WDPCP: variants seen among roughly 807,000 people sequenced by gnomAD.
WDPCP encodes WD repeat containing planar cell polarity effector.
Under a neutral mutation model 93.1 loss-of-function variants are expected in WDPCP, and 71 were observed. The ratio of observed to expected loss-of-function variants is 0.76; its 90% CI spans 0.63 to 0.93. The LOEUF is 0.93. Ranked by LOEUF, WDPCP falls within the 40% of genes least tolerant of loss-of-function variation. WDPCP has a pLI of 0.00. For missense variants in WDPCP, 844 were observed against 887.4 expected (o/e 0.95, Z 0.62); for synonymous variants, 315 against 315.0 (o/e 1.00, Z 0.00).
chr2:63,627,212 T>C (rs192507256), intron 3 of WDPCP, among the ~76,000 whole-genome samples: 1 of 152,324 alleles, frequency 6.6e-6, no homozygotes, highest in East Asian at 1.9e-4. Flanking sequence ...ACAAAGCTCA[T>C]GTATTGTCAA....
intron 17 of WDPCP, among the ~76,000 whole-genome samples, chr2:63,147,803 T>A (rs903070189): frequency 1.3e-5 from 2 of 152,090 alleles, no homozygotes; most frequent in Middle Eastern, 3.4e-3. Flanking sequence ...ACCTCATCTG[T>A]ACTAAAAATG....
rs1709764663 is a variant in WDPCP, at chr2:63,622,959, C to T, written n.488+27700G>A. On this transcript the variant is annotated intron_variant and non_coding_transcript_variant, in intron 3 of 4. Transcript: ENST00000467687. ...GCCAGGCTCGTAGCTCAGTCACCAC[C>T]GCACGGCGCCCAAGCAGCTGCTGCC... The T allele has an allele frequency of 2.5e-5, 19 of 759,468 alleles. No individual in the cohort carries two copies. The South Asian group carries it at 2.5e-4, about 10-fold the overall frequency. 47.0% of individuals were successfully genotyped at this position (759,468 alleles called of 1,614,324 possible).
chr2:63,148,338 A>T (rs1461777381), intron 17 of WDPCP, among the ~76,000 whole-genome samples: 1 of 151,990 alleles, frequency 6.6e-6, no homozygotes. Flanking sequence ...AGAAAAAAAA[A>T]GTTTTTCATT....
At chr2:63,776,097 A>G (rs1670298896) in intron 2 of WDPCP, among the ~76,000 whole-genome samples, 1 of 151,500 alleles carries the variant, frequency 6.6e-6, no homozygotes, top group African/African-American at 2.4e-5. Context: ...ATACATACAT[A>G]CATACATACA....
chr2:63,217,916 ACTC>A (rs1056920170), intron 14 of WDPCP, among the ~76,000 whole-genome samples: 1 of 152,072 alleles, frequency 6.6e-6, no homozygotes, highest in Non-Finnish European at 1.5e-5. Flanking sequence ...CCACAATTGA[ACTC>A]CTTGATAAAG....
chr2:63,200,405 T>C (rs1366653563), intron 14 of WDPCP, among the ~76,000 whole-genome samples: 1 of 152,188 alleles, frequency 6.6e-6, no homozygotes, highest in Non-Finnish European at 1.5e-5. Flanking sequence ...TTTGTTGCAA[T>C]GTTGTTCACA....
chr2:63,619,755 T>C (rs923311526), intron 3 of WDPCP, among the ~76,000 whole-genome samples: 2 of 152,216 alleles, frequency 1.3e-5, no homozygotes, highest in African/African-American at 2.4e-5. Flanking sequence ...GGAACAGCTC[T>C]GGTCTGCAGC....
At chr2:63,229,566 G>A (rs1181786924) in intron 14 of WDPCP, 1 of 151,980 alleles carries the variant, frequency 6.6e-6, no homozygotes, top group African/African-American at 2.4e-5. Context: ...TATGGTTTTA[G>A]GTCTAACATT....
chr2:63,563,557 A>C (rs1336995058), intron 1 of WDPCP, among the ~76,000 whole-genome samples: 1 of 151,992 alleles, frequency 6.6e-6, no homozygotes, highest in Non-Finnish European at 1.5e-5. Context: ...GGGAGGGAGA[A>C]ATGGGGAATG....
At chr2:63,151,623 TAAAC>T (rs1202144762) in intron 17 of WDPCP, among the ~76,000 whole-genome samples, 4 of 152,198 alleles carry the variant, frequency 2.6e-5, no homozygotes, top group Non-Finnish European at 4.4e-5. Context: ...TTTCGCAAAT[TAAAC>T]AAATTCTTAG....
chr2:63,349,277 G>A (rs1440843057), intron 12 of WDPCP, among the ~76,000 whole-genome samples: 1 of 151,466 alleles, frequency 6.6e-6, no homozygotes, highest in Non-Finnish European at 1.5e-5. Flanking sequence ...TATATATAGG[G>A]CATAAATTTC....
chr2:63,413,057 T>C (rs1695139321), intron 9 of WDPCP, among the ~76,000 whole-genome samples: 1 of 152,162 alleles, frequency 6.6e-6, no homozygotes, highest in Admixed American at 6.5e-5. Context: ...AGAGCCCACA[T>C]AGCCAAAGCA....
chr2:63,337,450 G>C (rs1373382001), intron 12 of WDPCP, among the ~76,000 whole-genome samples: 1 of 152,110 alleles, frequency 6.6e-6, no homozygotes, highest in East Asian at 1.9e-4. Context: ...ATAAACATGG[G>C]CGGGCAAAAA....
At chr2:63,598,896 C>CAA (rs1333463606) in intron 3 of WDPCP, among the ~76,000 whole-genome samples, 60 of 72,240 alleles carry the variant, frequency 8.3e-4, no homozygotes, top group African/African-American at 2.7e-3. Flanking sequence ...AAAGAGGTAC[C>CAA]AAAAAAAAAA....
chr2:63,571,926 T>C (rs1707536338), intron 1 of WDPCP, among the ~76,000 whole-genome samples: 1 of 152,240 alleles, frequency 6.6e-6, no homozygotes, highest in African/African-American at 2.4e-5. Flanking sequence ...ATAATGATCA[T>C]CTGCCCAGAC....
intron 17 of WDPCP, among the ~76,000 whole-genome samples, chr2:63,131,563 A>G (rs570101205): frequency 1.3e-5 from 2 of 152,268 alleles, no homozygotes; most frequent in South Asian, 2.1e-4. Context: ...GAGTAATTTT[A>G]TAGATTCTAT....
chr2:63,228,496 T>C (rs1678509586), intron 14 of WDPCP: 1 of 151,350 alleles, frequency 6.6e-6, no homozygotes. Flanking sequence ...GTTTGTTACA[T>C]ATGTATACAT....
At chr2:63,573,274 G>T (rs1305561328) in intron 1 of WDPCP, among the ~76,000 whole-genome samples, 2 of 151,972 alleles carry the variant, frequency 1.3e-5, no homozygotes, top group South Asian at 2.1e-4. Context: ...TTCGTTGCTG[G>T]ATTCCTTTAT....
At chr2:63,544,708 T>C (rs1377390412) in intron 1 of WDPCP, among the ~76,000 whole-genome samples, 2 of 152,208 alleles carry the variant, frequency 1.3e-5, no homozygotes, top group Non-Finnish European at 2.9e-5. Flanking sequence ...CTCAGAATCA[T>C]ATTTTAAAAG....
Sources: allele counts gnomAD v4.1 joint callset (sites outside exome capture counted in the v4.1 genomes callset), GRCh38; gene constraint gnomAD v4.1.1; transcripts MANE v1.5; gene names NCBI Gene and HGNC (gene_info 2026-07-23, HGNC 2026-07-21).